The following RBFOX1 variants were observed in gnomAD, a reference collection of about 807,000 sequenced individuals.
The protein encoded by RBFOX1 is RNA binding fox-1 homolog 1, also known as RNA binding protein fox-1 homolog 1.
In RBFOX1, 8 loss-of-function variants were observed where a neutral mutation model predicts 57.7. The observed-to-expected ratio is 0.14, with a 90% CI of 0.08 to 0.25. RBFOX1 has a LOEUF of 0.25. RBFOX1 is among the 10% of genes least tolerant of loss of function. RBFOX1 has a pLI of 1.00. For synonymous variants in RBFOX1, 326 were observed against 222.4 expected (o/e 1.47, Z -4.15); for missense variants, 611 against 548.5 (o/e 1.11, Z -1.14).
chr16:7,235,910 C>G (rs1439816602), intron 4 of RBFOX1, among the ~76,000 whole-genome samples: 1 of 152,166 alleles, frequency 6.6e-6, no homozygotes, highest in African/African-American at 2.4e-5. Context: ...TCCTTGCCCT[C>G]CTGTGAATGT....
intron 3 of RBFOX1, among the ~76,000 whole-genome samples, chr16:6,780,598 CTTTT>C (rs1486280974): frequency 7.8e-6 from 1 of 127,912 alleles, no homozygotes; most frequent in Non-Finnish European, 1.6e-5. Context: ...ATATATATTT[CTTTT>C]TTGTTTTTTG....
chr16:6,068,834 G>A (rs1251057325), intron 1 of RBFOX1, among the ~76,000 whole-genome samples: 3 of 152,090 alleles, frequency 2.0e-5, no homozygotes, highest in East Asian at 1.9e-4. Flanking sequence ...CCTTCTCCCT[G>A]TACCCGGTTA....
chr16:7,013,312 C>G (rs1597005903), intron 3 of RBFOX1, among the ~76,000 whole-genome samples: 1 of 152,162 alleles, frequency 6.6e-6, no homozygotes, highest in Admixed American at 6.5e-5. Context: ...GAGCTTAACT[C>G]AGTGTTCTGC....
In RBFOX1 at chr16:5,257,707, A is replaced by G. The variant is rs1370323630; in HGVS notation, c.219+17602A>G. Among the ~76,000 whole-genome samples the G allele has an allele frequency of 3.3e-5, 5 of 152,122 alleles. No homozygotes were observed. The South Asian group carries it at 1.0e-3, about 32-fold the overall frequency. Reference sequence around the variant, plus strand: ...TCCATGAAGCAAGGCGCATGGGTCGACTGAGCTGGGAGAGTCCCCAGTGTC... The same window carrying G: ...TCCATGAAGCAAGGCGCATGGGTCGGCTGAGCTGGGAGAGTCCCCAGTGTC... On this transcript the variant is annotated intron_variant, in intron 1 of 2. Coordinates refer to the RBFOX1 transcript ENST00000585867.
intron 4 of RBFOX1, among the ~76,000 whole-genome samples, chr16:7,295,101 A>T (rs1352583507): frequency 6.6e-6 from 1 of 152,160 alleles, no homozygotes; most frequent in Non-Finnish European, 1.5e-5. Flanking sequence ...ACTTGACCTG[A>T]TGTTGTGTGA....
At chr16:7,237,867 G>A (rs1159704789) in intron 4 of RBFOX1, among the ~76,000 whole-genome samples, 1 of 152,140 alleles carries the variant, frequency 6.6e-6, no homozygotes, top group Non-Finnish European at 1.5e-5. Flanking sequence ...AGCTGGACAT[G>A]GTGGCACACA....
At chr16:5,436,375 ATCACTCTGCATGGCTGAG>A (rs1295699993) in intron 1 of RBFOX1, among the ~76,000 whole-genome samples, 1 of 152,208 alleles carries the variant, frequency 6.6e-6, no homozygotes, top group Non-Finnish European at 1.5e-5. Flanking sequence ...GAAAACCACC[ATCACTCTGCATGGCTGAG>A]TGATTTACAC....
intron 1 of RBFOX1, among the ~76,000 whole-genome samples, chr16:6,116,654 G>C (rs1360906373): frequency 6.6e-6 from 1 of 152,176 alleles, no homozygotes; most frequent in Non-Finnish European, 1.5e-5. Flanking sequence ...AGAGTGCCCA[G>C]GGTTTCCTGT....
intron 1 of RBFOX1, among the ~76,000 whole-genome samples, chr16:5,464,285 T>C (rs983873752): frequency 1.8e-4 from 28 of 152,060 alleles, no homozygotes; most frequent in African/African-American, 6.5e-4. Flanking sequence ...GGGTCCCCAG[T>C]GGGGTAGACA....
intron 1 of RBFOX1, among the ~76,000 whole-genome samples, chr16:5,375,513 G>T (rs1055816837): frequency 1.3e-5 from 2 of 152,190 alleles, no homozygotes; most frequent in African/African-American, 4.8e-5. Context: ...GGGGGCAGGG[G>T]AGGGAGAGGA....
intron 13 of RBFOX1, among the ~76,000 whole-genome samples, chr16:7,666,680 C>T (rs763991781): frequency 2.0e-5 from 3 of 152,042 alleles, no homozygotes; most frequent in Non-Finnish European, 2.9e-5. Flanking sequence ...TGGGGCATAT[C>T]GCTGCATCAG....
chr16:6,968,004 C>T (rs1008012217), intron 3 of RBFOX1, among the ~76,000 whole-genome samples: 2 of 152,160 alleles, frequency 1.3e-5, no homozygotes, highest in East Asian at 1.9e-4. Context: ...CGGGAAGGTG[C>T]TGCCTCTGCT....
Position 7,280,520 on chromosome 16 carries a change from T to C in RBFOX1, c.27+228422T>C, listed in dbSNP as rs2095520515. ...TGCCATTAGGTCCTGTGACAGGGAGTCCACATGGAGATCATCATGTGATAA... is the reference window on the plus strand; with the variant it reads ...TGCCATTAGGTCCTGTGACAGGGAGCCCACATGGAGATCATCATGTGATAA... On this transcript the variant is annotated intron_variant, in intron 4 of 15. Coordinates refer to ENST00000550418, the MANE Select transcript of RBFOX1 (RefSeq NM_018723.4). Among the ~76,000 whole-genome samples, 5 of 151,896 alleles carry C rather than the reference T, an allele frequency of 3.3e-5. No homozygotes were observed. In the South Asian group the frequency reaches 1.0e-3, roughly 32 times the overall value.
intron 3 of RBFOX1, among the ~76,000 whole-genome samples, chr16:6,991,026 G>T (rs2091336810): frequency 6.6e-6 from 1 of 151,514 alleles, no homozygotes. Flanking sequence ...TTCTGGCCAG[G>T]CGTGGTGGCT....
At chr16:7,647,351 C>T (rs938861677) in intron 11 of RBFOX1, among the ~76,000 whole-genome samples, 1 of 152,064 alleles carries the variant, frequency 6.6e-6, no homozygotes, top group Non-Finnish European at 1.5e-5. Context: ...GTAGTGATAC[C>T]AGATTTTTCT....
At chr16:7,281,918 G>A (rs1401294386) in intron 4 of RBFOX1, among the ~76,000 whole-genome samples, 1 of 152,026 alleles carries the variant, frequency 6.6e-6, no homozygotes, top group Non-Finnish European at 1.5e-5. Context: ...TGGACAGGAG[G>A]TCAGTGGCAC....
At chr16:7,120,884 C>T (rs2067025938) in intron 4 of RBFOX1, among the ~76,000 whole-genome samples, 1 of 143,802 alleles carries the variant, frequency 7.0e-6, no homozygotes, top group Non-Finnish European at 1.5e-5. Context: ...TCATGGAATA[C>T]ATATAATACA....
intron 2 of RBFOX1, among the ~76,000 whole-genome samples, chr16:6,453,211 C>A (rs2094678200): frequency 6.6e-6 from 1 of 152,104 alleles, no homozygotes; most frequent in Non-Finnish European, 1.5e-5. Context: ...TTGCTGCACC[C>A]ATCAACCTGT....
At chr16:7,156,582 C>T (rs1026359355) in intron 4 of RBFOX1, among the ~76,000 whole-genome samples, 1 of 151,932 alleles carries the variant, frequency 6.6e-6, no homozygotes, top group African/African-American at 2.4e-5. Flanking sequence ...TGCACATTTG[C>T]ATGCAGATAT....
Sources: gnomAD v4.1 joint callset for allele counts (sites outside exome capture counted in the v4.1 genomes callset) on GRCh38, gnomAD v4.1.1 for gene constraint, MANE v1.5 for transcripts, NCBI Gene and HGNC (gene_info 2026-07-23, HGNC 2026-07-21) for gene names.